The following PRKCE variants were observed in gnomAD, a reference collection of about 807,000 sequenced individuals.
The protein encoded by PRKCE is protein kinase C epsilon type.
A neutral mutation model predicts 85.4 loss-of-function variants in PRKCE; 16 were observed. The ratio of observed to expected loss-of-function variants is 0.19; its 90% CI spans 0.13 to 0.28. The LOEUF (loss-of-function observed/expected upper bound fraction) is 0.28, where lower values mean the gene tolerates loss of function less well. Among genes scored for constraint, PRKCE ranks in the 10% least tolerant of loss-of-function variants. The probability of loss-of-function intolerance (pLI) is 1.00; values close to 1 mark genes in which losing one functional copy is unlikely to be tolerated. For missense variants in PRKCE, 573 were observed against 975.2 expected (o/e 0.59, Z 5.49); for synonymous variants, 388 against 371.5 (o/e 1.04, Z -0.51).
chr2:45,699,262 A>C (rs913002788), intron 1 of PRKCE, among the ~76,000 whole-genome samples: 2 of 151,906 alleles, frequency 1.3e-5, no homozygotes, highest in Non-Finnish European at 2.9e-5. Context: ...TTTTGCACGG[A>C]CCTCTGCTGG....
chr2:46,080,231 A>G (rs1315936116), intron 10 of PRKCE, among the ~76,000 whole-genome samples: 2 of 152,216 alleles, frequency 1.3e-5, no homozygotes, highest in Non-Finnish European at 2.9e-5. Context: ...GCATCAAAAC[A>G]TGCTTCTCAA....
In PRKCE at chr2:45,652,733, T is replaced by A. The variant is rs1167752929; in HGVS notation, c.348+285T>A. 6.6e-6 allele frequency among the ~76,000 whole-genome samples: 1 copy of A among 152,178 alleles called. No homozygotes were observed. The highest frequency in any genetic ancestry group is 1.9e-4 in the East Asian group (1 of 5,192). On this transcript the variant is annotated intron_variant, in intron 1 of 14. Coordinates refer to ENST00000306156, the MANE Select transcript of PRKCE (RefSeq NM_005400.3). The surrounding 1 kb of genome is among the most constrained non-coding windows in gnomAD (Gnocchi z 7.7). ...TGCAAACTGGGAGAGCCTGGGCCAC[T>A]GGTGCTGAAGGTTGGCCGAGGACCC...
chr2:45,738,442 C>T (rs933290858), intron 1 of PRKCE, among the ~76,000 whole-genome samples: 1 of 152,204 alleles, frequency 6.6e-6, no homozygotes, highest in Non-Finnish European at 1.5e-5. Flanking sequence ...AATGCCCTTC[C>T]TCCTCTCCTC....
chr2:46,013,319 G>A (rs573742631), intron 10 of PRKCE, among the ~76,000 whole-genome samples: 2 of 152,288 alleles, frequency 1.3e-5, no homozygotes, highest in East Asian at 1.9e-4. Flanking sequence ...GTTCTCACGT[G>A]GAAGGATTCA....
chr2:45,872,160 A>G (rs1034770701), intron 2 of PRKCE, among the ~76,000 whole-genome samples: 1 of 152,062 alleles, frequency 6.6e-6, no homozygotes, highest in Non-Finnish European at 1.5e-5. Flanking sequence ...GGTGATATGA[A>G]CTGTAGGGGG....
chr2:45,988,439 T>A (rs115184667), intron 6 of PRKCE, among the ~76,000 whole-genome samples: 2,721 of 152,258 alleles, frequency 0.018, 36 homozygotes, highest in Middle Eastern at 0.051. Flanking sequence ...CATAATTATG[T>A]CTGCTTTTAT....
At chr2:45,667,387 A>C (rs1247567995) in intron 1 of PRKCE, among the ~76,000 whole-genome samples, 1 of 152,076 alleles carries the variant, frequency 6.6e-6, no homozygotes, top group African/African-American at 2.4e-5. Context: ...GCATCAAGTG[A>C]TCCTCTCACT....
At chr2:45,734,298 G>C (rs1010139492) in intron 1 of PRKCE, among the ~76,000 whole-genome samples, 1 of 151,928 alleles carries the variant, frequency 6.6e-6, no homozygotes, top group Non-Finnish European at 1.5e-5. Context: ...CTGGGAGGTG[G>C]AGGTTGCAGT....
chr2:45,798,394 G>A (rs60120287), intron 1 of PRKCE, among the ~76,000 whole-genome samples: 7,489 of 152,188 alleles, frequency 0.049, 631 homozygotes, highest in African/African-American at 0.17. Flanking sequence ...ACCAAAACAC[G>A]TTGCCTCCTC....
intron 10 of PRKCE, among the ~76,000 whole-genome samples, chr2:46,017,571 G>T (rs953882889): frequency 2.0e-5 from 3 of 152,164 alleles, no homozygotes; most frequent in Admixed American, 6.5e-5. Context: ...ATACCTAGAA[G>T]TGGGATTCCT....
intron 10 of PRKCE, among the ~76,000 whole-genome samples, chr2:46,067,407 G>A (rs1333926614): frequency 3.3e-5 from 5 of 152,220 alleles, no homozygotes; most frequent in Non-Finnish European, 5.9e-5. Flanking sequence ...CAGTTTTGGC[G>A]CTACCTGGAA....
Position 45,652,563 on chromosome 2 carries a change from C to T in PRKCE, c.348+115C>T. 9.9e-7 allele frequency: 1 copy of T among 1,010,056 alleles called. No individual in the cohort carries two copies. Among genetic ancestry groups the T allele is most frequent in the Non-Finnish European group, 1.4e-6 (1 of 709,968 alleles). The allele number at this position is 1,010,056 out of a possible 1,614,324, so 62.6% of individuals were successfully genotyped here. The stretch of plus-strand genomic sequence containing the variant: ...TTATTGACGACTGGGGTGTGTGTGC[C>T]TGTAAGTCTCAGTTTCCTTGGGGAG... On this transcript the variant is annotated intron_variant, in intron 1 of 14. Coordinates refer to ENST00000306156, the MANE Select transcript of PRKCE (RefSeq NM_005400.3). The surrounding 1 kb of genome is among the most constrained non-coding windows in gnomAD (Gnocchi z 7.7).
intron 5 of PRKCE, among the ~76,000 whole-genome samples, chr2:45,980,583 A>G (rs61763808): frequency 0.016 from 2,503 of 152,294 alleles, 65 homozygotes; most frequent in East Asian, 0.14. Context: ...AGTCAGTTCT[A>G]TCCCCTTGGA....
intron 2 of PRKCE, among the ~76,000 whole-genome samples, chr2:45,897,184 C>A (rs1322675411): frequency 6.6e-6 from 1 of 152,160 alleles, no homozygotes; most frequent in Non-Finnish European, 1.5e-5. Flanking sequence ...ATCTAGAAAA[C>A]TTCACTCTTT....
chr2:45,896,622 A>G (rs1185384426), intron 2 of PRKCE, among the ~76,000 whole-genome samples: 1 of 152,196 alleles, frequency 6.6e-6, no homozygotes, highest in Non-Finnish European at 1.5e-5. Flanking sequence ...GAGTCACTAT[A>G]CCTCTTATCA....
At chr2:45,968,161 T>A (rs1376292231) in intron 2 of PRKCE, among the ~76,000 whole-genome samples, 1 of 152,138 alleles carries the variant, frequency 6.6e-6, no homozygotes, top group Non-Finnish European at 1.5e-5. Context: ...CTGTGTGTGT[T>A]AGAAATTCAC....
At chr2:45,779,902 C>G (rs1406623400) in intron 1 of PRKCE, among the ~76,000 whole-genome samples, 1 of 152,058 alleles carries the variant, frequency 6.6e-6, no homozygotes, top group African/African-American at 2.4e-5. Flanking sequence ...ATATGCAAAC[C>G]TAGAACAGTA....
chr2:45,717,683 G>A (rs1258393882), intron 1 of PRKCE, among the ~76,000 whole-genome samples: 1 of 152,194 alleles, frequency 6.6e-6, no homozygotes, highest in Non-Finnish European at 1.5e-5. Flanking sequence ...GTCTGCAAGG[G>A]ATGTCCAGAC....
chr2:46,059,747 G>A (rs1053402733), intron 10 of PRKCE, among the ~76,000 whole-genome samples: 5 of 152,158 alleles, frequency 3.3e-5, no homozygotes, highest in African/African-American at 1.2e-4. Context: ...AGGCTGTAAT[G>A]AGCTATGAGT....
Sources: allele counts gnomAD v4.1 joint callset (sites outside exome capture counted in the v4.1 genomes callset), GRCh38; gene constraint gnomAD v4.1.1; non-coding constraint Gnocchi (gnomAD v3.1); transcripts MANE v1.5; gene names NCBI Gene and HGNC (gene_info 2026-07-23, HGNC 2026-07-21).